The following RARB variants were observed in gnomAD, a reference collection of about 807,000 sequenced individuals.
RARB encodes retinoic acid receptor beta.
In RARB, 17 loss-of-function variants were observed where a neutral mutation model predicts 51.9. That is an observed-to-expected ratio of 0.33 (90% CI 0.22 to 0.49). The LOEUF is 0.49. Among genes scored for constraint, RARB ranks in the 20% least tolerant of loss-of-function variants. RARB has a pLI of 0.99. For synonymous variants in RARB, 215 were observed against 195.4 expected (o/e 1.10, Z -0.84); for missense variants, 369 against 550.8 (o/e 0.67, Z 3.30).
chr3:25,241,459 C>T (rs1440724647), intron 5 of RARB, among the ~76,000 whole-genome samples: 1 of 152,134 alleles, frequency 6.6e-6, no homozygotes, highest in Non-Finnish European at 1.5e-5. Flanking sequence ...TGCTATGCCT[C>T]CCCTTCCCTG....
chr3:25,278,089 C>T lies in RARB; in HGVS notation c.178+103514C>T, dbSNP rs1703435641. ...GCTCAGTTCATGTGTATTTTTTTGT[C>T]ATACTGAGAATGAGCATTTGCAACT... On this transcript the variant is annotated intron_variant, in intron 5 of 11. Transcript: ENST00000383772. Among the ~76,000 whole-genome samples, 6 of 152,122 alleles carry T rather than the reference C, an allele frequency of 3.9e-5. No homozygotes were observed. The South Asian group carries it at 1.2e-3, about 32-fold the overall frequency.
chr3:25,168,632 A>G (rs979843150), intron 4 of RARB, among the ~76,000 whole-genome samples: 2 of 152,248 alleles, frequency 1.3e-5, no homozygotes, highest in African/African-American at 4.8e-5. Context: ...GATGTTAAAA[A>G]TATGTTACCA....
chr3:24,947,755 C>T (rs190711472), intron 2 of RARB, among the ~76,000 whole-genome samples: 6 of 152,128 alleles, frequency 3.9e-5, no homozygotes, highest in Admixed American at 2.6e-4. Context: ...GTAAGGATAC[C>T]GAGAAGACCA....
intron 5 of RARB, among the ~76,000 whole-genome samples, chr3:25,231,396 T>A (rs2125390391): frequency 6.6e-6 from 1 of 152,246 alleles, no homozygotes; most frequent in Non-Finnish European, 1.5e-5. Flanking sequence ...GATTACTGGG[T>A]GTCTTCTAGC....
intron 2 of RARB, among the ~76,000 whole-genome samples, chr3:25,483,925 C>T (rs1040526201): frequency 4.9e-4 from 75 of 152,188 alleles, no homozygotes; most frequent in Non-Finnish European, 2.1e-4. Context: ...CAAATATTTG[C>T]AGCGTAATTT....
intron 4 of RARB, among the ~76,000 whole-genome samples, chr3:25,135,408 G>A (rs962520961): frequency 2.0e-5 from 3 of 151,786 alleles, no homozygotes; most frequent in African/African-American, 7.3e-5. Context: ...CATTTACCTG[G>A]ATATCTGATA....
Position 25,428,773 on chromosome 3 carries a change from A to T in RARB, c.42A>T (p.Gln14His). 1 of 1,614,066 alleles carries T rather than the reference A, an allele frequency of 6.2e-7. No homozygotes were observed. Among genetic ancestry groups the T allele is most frequent in the Non-Finnish European group, 8.5e-7 (1 of 1,180,000 alleles). Residue 14 changes from glutamine to histidine, a missense_variant, in exon 1 of 8, where the codon CAA becomes CAT. Gln to His is a conservative substitution (Grantham distance 24). Coordinates refer to ENST00000330688, the MANE Select transcript of RARB (RefSeq NM_000965.5). ...CMDVLSVSPG[Q>H]ILDFYTASPS... Reference sequence around the variant, plus strand: ...ATGTTCTGTCAGTGAGTCCTGGGCAAATCCTGGATTTCTACACTGCGAGTC... The same window carrying T: ...ATGTTCTGTCAGTGAGTCCTGGGCATATCCTGGATTTCTACACTGCGAGTC...
chr3:25,030,044 A>G (rs186080892), intron 2 of RARB, among the ~76,000 whole-genome samples: 2 of 152,344 alleles, frequency 1.3e-5, no homozygotes, highest in East Asian at 3.9e-4. Flanking sequence ...AGAGACAGAT[A>G]TCTCATGCCA....
intron 3 of RARB, among the ~76,000 whole-genome samples, chr3:25,566,989 C>T (rs568913039): frequency 1.2e-3 from 182 of 152,248 alleles, no homozygotes; most frequent in African/African-American, 4.2e-3. Flanking sequence ...TGCCCAGTGG[C>T]CCTTGCCACA....
chr3:25,268,390 G>GA (rs11286841), intron 5 of RARB, among the ~76,000 whole-genome samples: 14,876 of 147,294 alleles, frequency 0.1, 929 homozygotes, highest in South Asian at 0.26. Flanking sequence ...CCAGAAAATA[G>GA]AAAAAAAAAA....
At chr3:25,276,417 C>T (rs1383626635) in intron 5 of RARB, among the ~76,000 whole-genome samples, 1 of 152,132 alleles carries the variant, frequency 6.6e-6, no homozygotes, top group Non-Finnish European at 1.5e-5. Flanking sequence ...TAAATATGTA[C>T]AATTGTTGTG....
At chr3:25,240,478 C>T (rs937733203) in intron 5 of RARB, among the ~76,000 whole-genome samples, 1 of 151,812 alleles carries the variant, frequency 6.6e-6, no homozygotes, top group African/African-American at 2.4e-5. Flanking sequence ...TATATATGGC[C>T]TTTATTATAT....
chr3:25,310,910 G>T (rs921534617), intron 5 of RARB, among the ~76,000 whole-genome samples: 1 of 152,072 alleles, frequency 6.6e-6, no homozygotes, highest in East Asian at 1.9e-4. Context: ...TTTGTTACTC[G>T]GTTTATATTC....
chr3:25,363,335 T>G (rs1385475470), intron 5 of RARB, among the ~76,000 whole-genome samples: 2 of 152,160 alleles, frequency 1.3e-5, no homozygotes, highest in African/African-American at 2.4e-5. Context: ...AAACATTATC[T>G]GGAGCTCAAC....
intron 3 of RARB, among the ~76,000 whole-genome samples, chr3:25,556,100 A>G (rs1700047429): frequency 6.6e-6 from 1 of 152,070 alleles, no homozygotes; most frequent in African/African-American, 2.4e-5. Context: ...GCTGTAAGCT[A>G]TGCAGAGAAT....
intron 2 of RARB, among the ~76,000 whole-genome samples, chr3:24,921,623 G>A (rs1266179487): frequency 1.3e-5 from 2 of 152,052 alleles, no homozygotes; most frequent in African/African-American, 2.4e-5. Flanking sequence ...AATCAGCGAG[G>A]AGGTCCCCCC....
intron 3 of RARB, among the ~76,000 whole-genome samples, chr3:25,106,458 GT>G (rs1330251701): frequency 3.7e-5 from 4 of 107,856 alleles, no homozygotes; most frequent in East Asian, 6.4e-4. Flanking sequence ...TTTGTTTTTT[GT>G]TTTTTTTTGT....
intron 2 of RARB, among the ~76,000 whole-genome samples, chr3:24,960,149 A>G (rs187890784): frequency 5.7e-4 from 87 of 152,342 alleles, no homozygotes; most frequent in Middle Eastern, 3.4e-3. Context: ...ACCTCCTGAT[A>G]GTTATAATGG....
chr3:24,905,347 A>C (rs1008972653), intron 2 of RARB, among the ~76,000 whole-genome samples: 3 of 152,204 alleles, frequency 2.0e-5, no homozygotes, highest in African/African-American at 7.2e-5. Flanking sequence ...TCATTGTCTT[A>C]AGGCCAAATG....
Sources: allele counts gnomAD v4.1 joint callset (sites outside exome capture counted in the v4.1 genomes callset), GRCh38; gene constraint gnomAD v4.1.1; transcripts MANE v1.5; gene names NCBI Gene and HGNC (gene_info 2026-07-23, HGNC 2026-07-21).